ZNF292: variants seen among roughly 807,000 people sequenced by gnomAD.
ZNF292 encodes 16 zinc-finger domain protein.
A neutral mutation model predicts 217.9 loss-of-function variants in ZNF292; 26 were observed. The observed-to-expected ratio is 0.12, with a 90% CI of 0.09 to 0.17. The LOEUF (loss-of-function observed/expected upper bound fraction) is 0.17, where lower values mean the gene tolerates loss of function less well. ZNF292 is among the 10% of genes least tolerant of loss of function. The pLI, the probability that ZNF292 is intolerant of heterozygous loss-of-function variation, is 1.00. For missense variants in ZNF292, 2,904 were observed against 3,175.2 expected (o/e 0.91, Z 2.05); for synonymous variants, 1,257 against 1,124.1 (o/e 1.12, Z -2.37).
intron 1 of ZNF292, among the ~76,000 whole-genome samples, chr6:87,168,111 G>C (rs530562682): frequency 1.2e-4 from 18 of 152,196 alleles, no homozygotes; most frequent in Non-Finnish European, 2.5e-4. Flanking sequence ...AAGAGAAAGG[G>C]AATCAGTATT....
At chr6:87,167,304 T>A (rs1240283715) in intron 1 of ZNF292, among the ~76,000 whole-genome samples, 1 of 152,220 alleles carries the variant, frequency 6.6e-6, no homozygotes, top group African/African-American at 2.4e-5. Context: ...CTTTTTTCCC[T>A]CAATACATTT....
chr6:87,208,981 C>T (rs755242896), intron 1 of ZNF292, among the ~76,000 whole-genome samples: 3 of 152,128 alleles, frequency 2.0e-5, no homozygotes, highest in Non-Finnish European at 2.9e-5. Context: ...AACTTCTTTA[C>T]TGAGGAAGAG....
At chr6:87,176,919 A>C (rs1771316979) in intron 1 of ZNF292, among the ~76,000 whole-genome samples, 1 of 152,184 alleles carries the variant, frequency 6.6e-6, no homozygotes, top group Non-Finnish European at 1.5e-5. Context: ...AAATATGTCT[A>C]AAATGGAACT....
At chr6:87,157,448 G>A (rs1770582021) in intron 1 of ZNF292, among the ~76,000 whole-genome samples, 1 of 152,036 alleles carries the variant, frequency 6.6e-6, no homozygotes, top group Admixed American at 6.5e-5. Flanking sequence ...TTTGTAAGTC[G>A]AATCAGTTTT....
At chr6:87,198,496 G>A (rs562299581) in intron 1 of ZNF292, among the ~76,000 whole-genome samples, 4 of 152,246 alleles carry the variant, frequency 2.6e-5, no homozygotes, top group African/African-American at 7.2e-5. Context: ...GAGGAGCCAC[G>A]CCCGGCCCAT....
At chr6:87,164,828 T>C (rs1199472769) in intron 1 of ZNF292, among the ~76,000 whole-genome samples, 1 of 84,168 alleles carries the variant, frequency 1.2e-5, no homozygotes, top group Non-Finnish European at 2.1e-5. Context: ...AGTGGGGTGA[T>C]CTCGACTCAC....
Position 87,259,716 on chromosome 6 carries a change from C to T in ZNF292, c.6087C>T (p.Thr2029=). ...SQPALELRAE[T]QNTHSNVAVI... is the part of the protein sequence containing the mutation. Reference sequence around the variant, plus strand: ...CTGCTTTAGAATTGAGAGCAGAGACCCAAAATACCCACAGTAATGTAGCAG... The same window carrying T: ...CTGCTTTAGAATTGAGAGCAGAGACTCAAAATACCCACAGTAATGTAGCAG... The change falls in exon 8 of 8, where the codon ACC becomes ACT. Residue 2029 remains threonine (T), a synonymous_variant. Coordinates refer to ENST00000369577, the MANE Select transcript of ZNF292 (RefSeq NM_015021.3). The T allele has an allele frequency of 6.2e-7, 1 of 1,602,346 alleles. No homozygotes were observed. Among genetic ancestry groups the T allele is most frequent in the Non-Finnish European group, 8.5e-7 (1 of 1,174,280 alleles).
intron 1 of ZNF292, among the ~76,000 whole-genome samples, chr6:87,181,233 A>G (rs1053269578): frequency 6.6e-6 from 1 of 151,926 alleles, no homozygotes; most frequent in Non-Finnish European, 1.5e-5. Flanking sequence ...TCGAAGGATG[A>G]GTGCAAGATT....
chr6:87,256,231 G>C lies in ZNF292; in HGVS notation c.2602G>C (p.Glu868Gln). The C allele has an allele frequency of 1.2e-6, 2 of 1,613,818 alleles. No individual in the cohort carries two copies. Among genetic ancestry groups the C allele is most frequent in the Non-Finnish European group, 1.7e-6 (2 of 1,179,810 alleles). Residue 868 changes from glutamate to glutamine, a missense_variant, in exon 8 of 8, where the codon GAA (glutamate) becomes CAA (glutamine). Physicochemically the swap from Glu to Gln is conservative, Grantham distance 29. This residue lies in a region of ZNF292 where 687 missense variants were observed against 623.0 expected (regional missense o/e 1.10). Transcript: ENST00000369577. The stretch of plus-strand genomic sequence containing the variant: ...GAACACAGCAGAGAATATTGAGAAA[G>C]AAAGATCTATGCTTCCTTCAGAAAA... ...NQNTAENIEK[E>Q]RSMLPSENNI...
At chr6:87,230,166 C>T (rs1164680946) in intron 4 of ZNF292, among the ~76,000 whole-genome samples, 2 of 152,046 alleles carry the variant, frequency 1.3e-5, no homozygotes, top group African/African-American at 4.8e-5. Flanking sequence ...GGAGATGACA[C>T]GTAATGTGGT....
At chr6:87,176,001 GA>G (rs1465214003) in intron 1 of ZNF292, among the ~76,000 whole-genome samples, 1 of 152,054 alleles carries the variant, frequency 6.6e-6, no homozygotes, top group Non-Finnish European at 1.5e-5. Flanking sequence ...TCACCTTCTG[GA>G]AGGTAAATGA....
chr6:87,168,414 T>TGGAA (rs1206876396), intron 1 of ZNF292, among the ~76,000 whole-genome samples: 4 of 152,230 alleles, frequency 2.6e-5, no homozygotes, highest in Non-Finnish European at 1.5e-5. Flanking sequence ...TGTCTTCATG[T>TGGAA]GGAACATTTG....
At chr6:87,248,439 T>G (rs1774722023) in intron 7 of ZNF292, among the ~76,000 whole-genome samples, 1 of 152,192 alleles carries the variant, frequency 6.6e-6, no homozygotes. Flanking sequence ...TATATTGTGG[T>G]GCTGCAGTTA....
At chr6:87,183,665 T>C (rs1481391531) in intron 1 of ZNF292, among the ~76,000 whole-genome samples, 1 of 152,176 alleles carries the variant, frequency 6.6e-6, no homozygotes, top group Non-Finnish European at 1.5e-5. Flanking sequence ...CTTTACACCA[T>C]AAAATAGGCA....
intron 1 of ZNF292, among the ~76,000 whole-genome samples, chr6:87,158,501 A>G (rs1050795374): frequency 2.2e-4 from 33 of 152,060 alleles, no homozygotes; most frequent in African/African-American, 7.5e-4. Flanking sequence ...CAAAAAATAC[A>G]AAAAACAAAA....
chr6:87,165,443 A>G (rs76173414), intron 1 of ZNF292, among the ~76,000 whole-genome samples: 304 of 152,324 alleles, frequency 2.0e-3, no homozygotes, highest in Non-Finnish European at 3.9e-3. Flanking sequence ...CGGGAGTAAG[A>G]TATAACTTTA....
At chr6:87,166,037 C>T (rs10806390) in intron 1 of ZNF292, among the ~76,000 whole-genome samples, 16,559 of 152,070 alleles carry the variant, frequency 0.11, 957 homozygotes, top group Middle Eastern at 0.17. Flanking sequence ...GGATTACAGG[C>T]GGGAGCCCTG....
intron 1 of ZNF292, among the ~76,000 whole-genome samples, chr6:87,194,634 A>C (rs898836516): frequency 1.3e-5 from 2 of 152,130 alleles, no homozygotes; most frequent in Non-Finnish European, 2.9e-5. Flanking sequence ...GAATCAAGAA[A>C]AGTCTGAATG....
At position 87,204,764 on chromosome 6, in the gene ZNF292, A is replaced by G. The variant is rs146743564; in HGVS notation, c.169-11139A>G. Among the ~76,000 whole-genome samples, 1,162 of 151,814 alleles carry G rather than the reference A, an allele frequency of 7.7e-3. 23 individuals are homozygous for G. Among genetic ancestry groups the G allele is most frequent in the African/African-American group, 0.025 (1,053 of 41,388 alleles). On this transcript the variant is annotated intron_variant, in intron 1 of 7. Transcript: ENST00000369577. ...TTTTTAGTAGAGACTGGGTTTCACC[A>G]TGTTGGCCAGGCTGGTCTCGAACAC...
Sources: gnomAD v4.1 joint callset for allele counts (sites outside exome capture counted in the v4.1 genomes callset) on GRCh38, gnomAD v4.1.1 for gene constraint, gnomAD v4.1.1 regional missense constraint, MANE v1.5 for transcripts, NCBI Gene and HGNC (gene_info 2026-07-23, HGNC 2026-07-21) for gene names.